Variants in CMIP observed in about 807,000 individuals in gnomAD.
CMIP encodes c-Maf inducing protein, also known as C-Maf-inducing protein.
CMIP carries 13 observed loss-of-function variants against 97.3 expected under a neutral mutation model. The observed-to-expected ratio is 0.13, with a 90% confidence interval of 0.09 to 0.21. The LOEUF (loss-of-function observed/expected upper bound fraction) is 0.21. Among genes scored for constraint, CMIP ranks in the 10% least tolerant of loss-of-function variants. The pLI is 1.00. For synonymous variants in CMIP, 538 were observed against 436.3 expected (o/e 1.23, Z -2.91); for missense variants, 847 against 1,024.9 (o/e 0.83, Z 2.37).
At chr16:81,602,587 C>T (rs558559001) in intron 1 of CMIP, among the ~76,000 whole-genome samples, 9 of 152,358 alleles carry the variant, frequency 5.9e-5, no homozygotes, top group African/African-American at 1.9e-4. Context: ...CTGCCCCTCG[C>T]CCGCCCCAGC....
At chr16:81,500,636 G>A (rs2089592337) in intron 1 of CMIP, among the ~76,000 whole-genome samples, 1 of 151,460 alleles carries the variant, frequency 6.6e-6, no homozygotes, top group Non-Finnish European at 1.5e-5. Context: ...CTACAGGCGC[G>A]TGCCACCACA....
chr16:81,492,315 T>A (rs1244764094), intron 1 of CMIP, among the ~76,000 whole-genome samples: 1 of 152,196 alleles, frequency 6.6e-6, no homozygotes, highest in Non-Finnish European at 1.5e-5. Context: ...TAACTTCACG[T>A]GTTGAAAATG....
chr16:81,579,829 G>A lies in CMIP; in HGVS notation c.301-27738G>A, dbSNP rs557371009. ...AAATTAGCTGGGCGTGGTGGCGGAC[G>A]CCTGTAGTCCCAGTTACTCGGGAGG... is the stretch of plus-strand genomic sequence containing the variant. On this transcript the variant is annotated intron_variant, in intron 1 of 20. Transcript: ENST00000537098. Among the ~76,000 whole-genome samples the A allele has an allele frequency of 9.2e-5, 14 of 152,292 alleles. 1 individual carries two copies. Among genetic ancestry groups the A allele is most frequent in the Middle Eastern group, 6.8e-3 (2 of 294 alleles).
At chr16:81,547,032 A>T (rs1333427581) in intron 1 of CMIP, among the ~76,000 whole-genome samples, 1 of 152,278 alleles carries the variant, frequency 6.6e-6, no homozygotes, top group African/African-American at 2.4e-5. Context: ...AGACCGGCAC[A>T]TATTCTGTGA....
chr16:81,680,476 G>A (rs912743635), intron 10 of CMIP, among the ~76,000 whole-genome samples: 3 of 152,208 alleles, frequency 2.0e-5, no homozygotes, highest in East Asian at 1.9e-4. Context: ...TGGAGGCAGC[G>A]TCCCCACATA....
chr16:81,472,471 G>A (rs1386482217), intron 1 of CMIP, among the ~76,000 whole-genome samples: 1 of 152,124 alleles, frequency 6.6e-6, no homozygotes, highest in Non-Finnish European at 1.5e-5. Flanking sequence ...TCTCCCCAGG[G>A]GTCCCCTGGG....
Position 81,691,858 on chromosome 16 carries a change from C to A in CMIP, c.1454+18C>A. 6.2e-7 allele frequency: 1 copy of A among 1,607,576 alleles called. No individual in the cohort carries two copies. The highest frequency in any genetic ancestry group is 1.1e-5 in the South Asian group (1 of 90,800). On this transcript the variant is annotated intron_variant, in intron 11 of 20. Coordinates refer to ENST00000537098, the MANE Select transcript of CMIP (RefSeq NM_198390.3). Reference sequence around the variant, plus strand: ...CCCAAAGAGTAAGTCCCGTGTGCATCCCCGGAGCCCTCCCACCTGTGAGAC... The same window carrying A: ...CCCAAAGAGTAAGTCCCGTGTGCATACCCGGAGCCCTCCCACCTGTGAGAC...
chr16:81,457,626 G>C (rs1366434700), intron 1 of CMIP, among the ~76,000 whole-genome samples: 1 of 152,234 alleles, frequency 6.6e-6, no homozygotes, highest in Non-Finnish European at 1.5e-5. Flanking sequence ...ATTACCCCTG[G>C]TTGAGAACTG....
chr16:81,500,852 T>C (rs1445763660), intron 1 of CMIP, among the ~76,000 whole-genome samples: 3 of 152,300 alleles, frequency 2.0e-5, no homozygotes, highest in African/African-American at 7.2e-5. Flanking sequence ...CCTTCTTTCT[T>C]TCCTTCCTTC....
intron 18 of CMIP, 102 bp downstream of exon 18, chr16:81,704,187 TCCCTGCC>T: frequency 1.3e-6 from 1 of 784,964 alleles, no homozygotes; most frequent in Non-Finnish European, 1.9e-6. Flanking sequence ...CTCAGCCTCC[TCCCTGCC>T]CCCTCCCCCT....
chr16:81,531,098 G>C (rs906244712), intron 1 of CMIP, among the ~76,000 whole-genome samples: 2 of 152,130 alleles, frequency 1.3e-5, no homozygotes, highest in Non-Finnish European at 2.9e-5. Context: ...TTGCAGATGC[G>C]ACCAAGTTAA....
intron 1 of CMIP, among the ~76,000 whole-genome samples, chr16:81,522,719 A>C (rs764475286): frequency 4.6e-5 from 7 of 152,234 alleles, no homozygotes; most frequent in Non-Finnish European, 1.0e-4. Flanking sequence ...CATTGTTAGT[A>C]TGTTGTCCTC....
intron 3 of CMIP, chr16:81,630,763 C>G (rs1161310396): frequency 6.6e-6 from 1 of 152,224 alleles, no homozygotes; most frequent in Non-Finnish European, 1.5e-5. Context: ...TTCTGGCACT[C>G]AGTCAAAGAG....
intron 3 of CMIP, among the ~76,000 whole-genome samples, chr16:81,638,634 G>C (rs576313508): frequency 1.6e-4 from 25 of 151,818 alleles, no homozygotes; most frequent in African/African-American, 6.0e-4. Context: ...AGAAGAACCC[G>C]GCAGCTTCTG....
At chr16:81,640,454 G>T (rs530527800) in intron 3 of CMIP, among the ~76,000 whole-genome samples, 4 of 152,186 alleles carry the variant, frequency 2.6e-5, no homozygotes, top group Non-Finnish European at 4.4e-5. Flanking sequence ...CTGGGACCAG[G>T]CGTCCTGGGG....
intron 1 of CMIP, among the ~76,000 whole-genome samples, chr16:81,472,595 C>T (rs1464528617): frequency 1.3e-5 from 2 of 152,220 alleles, no homozygotes; most frequent in African/African-American, 2.4e-5. Context: ...CCTGAGCATT[C>T]ACTGGGGGTG....
intron 7 of CMIP, chr16:81,664,704 G>A (rs1260531349): frequency 4.3e-6 from 2 of 460,858 alleles, no homozygotes; most frequent in Non-Finnish European, 7.6e-6. Context: ...TGCGCACAGC[G>A]AGGTCCTTCC....
At chr16:81,545,672 C>T (rs2090532534) in intron 1 of CMIP, among the ~76,000 whole-genome samples, 1 of 152,210 alleles carries the variant, frequency 6.6e-6, no homozygotes, top group Non-Finnish European at 1.5e-5. Context: ...CAAGTTACTA[C>T]TTGACTGATC....
intron 3 of CMIP, 22 bp downstream of exon 3, chr16:81,620,948 T>A: frequency 6.2e-7 from 1 of 1,613,360 alleles, no homozygotes; most frequent in Non-Finnish European, 8.5e-7. Context: ...CTCGGTTGCT[T>A]GTTTAAAGCG....
Sources: allele counts gnomAD v4.1 joint callset (sites outside exome capture counted in the v4.1 genomes callset), GRCh38; gene constraint gnomAD v4.1.1; transcripts MANE v1.5; gene names NCBI Gene and HGNC (gene_info 2026-07-23, HGNC 2026-07-21).